TRPM3: variants seen among roughly 807,000 people sequenced by gnomAD.
TRPM3 encodes the protein long transient receptor potential channel 3.
A neutral mutation model predicts 181.2 loss-of-function variants in TRPM3; 77 were observed. The ratio of observed to expected loss-of-function variants is 0.42; its 90% CI spans 0.35 to 0.51. The LOEUF (loss-of-function observed/expected upper bound fraction) is 0.51, where lower values mean the gene tolerates loss of function less well. Among genes scored for constraint, TRPM3 ranks in the 20% least tolerant of loss-of-function variants. The pLI, the probability that TRPM3 is intolerant of heterozygous loss-of-function variation, is 0.01. For missense variants in TRPM3, 1,759 were observed against 2,196.7 expected (o/e 0.80, Z 3.98); for synonymous variants, 745 against 796.4 (o/e 0.94, Z 1.09).
At chr9:71,202,055 C>T (rs1433910853) in intron 1 of TRPM3, among the ~76,000 whole-genome samples, 1 of 152,196 alleles carries the variant, frequency 6.6e-6, no homozygotes, top group Admixed American at 6.5e-5. Context: ...ACAGACAGGA[C>T]CCTCAGCTGC....
At chr9:71,359,140 G>A (rs539164445) in intron 1 of TRPM3, among the ~76,000 whole-genome samples, 4 of 152,336 alleles carry the variant, frequency 2.6e-5, no homozygotes, top group African/African-American at 7.2e-5. Context: ...CCCAAAGAGT[G>A]ACATTAGGGA....
intron 1 of TRPM3, among the ~76,000 whole-genome samples, chr9:70,876,513 T>A (rs1049569920): frequency 6.6e-6 from 1 of 151,646 alleles, no homozygotes; most frequent in East Asian, 1.9e-4. Flanking sequence ...TTTTAAAAGA[T>A]AAAGTGAGTT....
At chr9:71,226,009 T>TAAAAAAAA in intron 1 of TRPM3, among the ~76,000 whole-genome samples, 2 of 34,706 alleles carry the variant, frequency 5.8e-5, no homozygotes, top group Admixed American at 4.6e-4. Flanking sequence ...CAACAAAAGG[T>TAAAAAAAA]AAAAAAAAAA....
chr9:70,590,888 TG>T (rs2058006643), intron 22 of TRPM3, 142 bp downstream of exon 22: 6 of 1,034,546 alleles, frequency 5.8e-6, no homozygotes, highest in Non-Finnish European at 8.6e-6. Context: ...CTGTAATTTT[TG>T]TTTCCTCCAA....
At chr9:71,283,539 C>T (rs1279929518) in intron 1 of TRPM3, among the ~76,000 whole-genome samples, 3 of 152,128 alleles carry the variant, frequency 2.0e-5, no homozygotes, top group Non-Finnish European at 4.4e-5. Context: ...CTCCTGACCT[C>T]GTGATCCCCC....
intron 1 of TRPM3, among the ~76,000 whole-genome samples, chr9:71,323,298 G>C (rs111961889): frequency 1.3e-5 from 2 of 152,116 alleles, no homozygotes; most frequent in Admixed American, 1.3e-4. Flanking sequence ...GCTGCCAAAT[G>C]CTTCAACTTA....
rs60199233 is a variant in TRPM3, at chr9:71,127,292, A to AACACACAC, written c.184-262789_184-262782dup. On this transcript the variant is annotated intron_variant, in intron 1 of 24. Transcript: ENST00000357533. The stretch of plus-strand genomic sequence containing the variant: ...TAGATTTTAAGTAATAGCTGACCAA[A>AACACACAC]ACACACACACACACACACACACACC... Among the ~76,000 whole-genome samples, 9 of 143,754 alleles carry AACACACAC rather than the reference A, an allele frequency of 6.3e-5. No homozygotes were observed. In the South Asian group the frequency reaches 9.5e-4, roughly 15 times the overall value. The allele number at this position is 143,754 out of a possible 152,430, so 94.3% of individuals were successfully genotyped here. A position where few individuals can be genotyped will look rare whatever the true frequency, so the allele number is the denominator to read the frequency against.
intron 15 of TRPM3, 63 bp from the exon 16 acceptor site, chr9:70,620,428 G>A: frequency 6.6e-7 from 1 of 1,520,868 alleles, no homozygotes. Flanking sequence ...TCAGCAAGTA[G>A]CAGTTGTATA....
intron 1 of TRPM3, among the ~76,000 whole-genome samples, chr9:71,127,070 AC>A (rs111870151): frequency 0.58 from 86,727 of 149,542 alleles, 25,109 homozygotes; most frequent in South Asian, 0.62. Flanking sequence ...TTAGGAAAAA[AC>A]AAAAACAAAA....
chr9:70,804,259 G>C (rs904049541), intron 6 of TRPM3, among the ~76,000 whole-genome samples: 2 of 152,166 alleles, frequency 1.3e-5, no homozygotes, highest in African/African-American at 4.8e-5. Context: ...GAACTCAGGA[G>C]GCAGAGGTTG....
intron 1 of TRPM3, among the ~76,000 whole-genome samples, chr9:71,101,327 T>A (rs1241275543): frequency 6.6e-6 from 1 of 152,138 alleles, no homozygotes; most frequent in African/African-American, 2.4e-5. Flanking sequence ...ATCAAACAAA[T>A]CACTCAACCC....
chr9:71,071,699 T>C (rs562440618), intron 1 of TRPM3, among the ~76,000 whole-genome samples: 2 of 152,148 alleles, frequency 1.3e-5, no homozygotes, highest in Non-Finnish European at 2.9e-5. Flanking sequence ...GAGAATTGAC[T>C]TTAGTGCCAA....
At position 71,069,037 on chromosome 9, in the gene TRPM3, A is replaced by T. The variant is rs180918576; in HGVS notation, c.177+52141T>A. Among the ~76,000 whole-genome samples, 20 of 152,350 alleles carry T rather than the reference A, an allele frequency of 1.3e-4. No homozygotes were observed. The East Asian group carries it at 3.9e-3, about 29-fold the overall frequency. On this transcript the variant is annotated intron_variant, in intron 1 of 25. Coordinates refer to ENST00000677713, the MANE Select transcript of TRPM3 (RefSeq NM_001366145.2). ...TTTCAGGGTAGTTGAAGATTTAATT[A>T]AACAATGCCCCTTAGACTGGTTAAA...
chr9:70,986,770 C>G (rs548968198), intron 1 of TRPM3, among the ~76,000 whole-genome samples: 59 of 152,196 alleles, frequency 3.9e-4, no homozygotes, highest in African/African-American at 1.4e-3. Flanking sequence ...TCTAGTGGAG[C>G]CTCTTTAGAT....
intron 1 of TRPM3, among the ~76,000 whole-genome samples, chr9:71,002,235 C>T (rs1403876353): frequency 3.3e-5 from 5 of 152,188 alleles, no homozygotes; most frequent in Non-Finnish European, 7.3e-5. Flanking sequence ...CAGAGTTCAC[C>T]TTTGAAATCA....
chr9:71,163,330 ATAGG>A (rs58180875), intron 1 of TRPM3, among the ~76,000 whole-genome samples: 20 of 151,684 alleles, frequency 1.3e-4, no homozygotes, highest in African/African-American at 3.1e-4. Context: ...GAAACAAGAT[ATAGG>A]TAGGTAGGTA....
intron 12 of TRPM3, among the ~76,000 whole-genome samples, chr9:70,627,377 A>ATTCTCCT (rs2064865808): frequency 1.4e-5 from 2 of 143,368 alleles, no homozygotes; most frequent in South Asian, 4.4e-4. Flanking sequence ...GGTTCAAGTG[A>ATTCTCCT]TTCTCCTGCC....
chr9:70,599,958 G>A (rs1179903871), intron 20 of TRPM3, among the ~76,000 whole-genome samples: 2 of 152,068 alleles, frequency 1.3e-5, no homozygotes, highest in African/African-American at 2.4e-5. Context: ...TTGTACCCCA[G>A]GCCTGTTACA....
chr9:71,179,717 A>G (rs1214356898), intron 1 of TRPM3, among the ~76,000 whole-genome samples: 1 of 152,146 alleles, frequency 6.6e-6, no homozygotes, highest in East Asian at 1.9e-4. Context: ...GCAGTGCTTT[A>G]CTTGTCATAC....
Sources: allele counts gnomAD v4.1 joint callset (sites outside exome capture counted in the v4.1 genomes callset), GRCh38; gene constraint gnomAD v4.1.1; transcripts MANE v1.5; gene names NCBI Gene and HGNC (gene_info 2026-07-23, HGNC 2026-07-21).